ABHD3: variants seen among roughly 807,000 people sequenced by gnomAD.
The protein encoded by ABHD3 is abhydrolase domain containing 3, phospholipase, also known as phospholipase ABHD3.
A neutral mutation model predicts 48.8 loss-of-function variants in ABHD3; 46 were observed. The ratio of observed to expected loss-of-function variants is 0.94; its 90% confidence interval spans 0.74 to 1.20. The LOEUF (loss-of-function observed/expected upper bound fraction) is 1.20. Ranked by LOEUF, ABHD3 falls within the 50% of genes most tolerant of loss-of-function variation. The probability of loss-of-function intolerance (pLI) is 0.00; values close to 1 mark genes in which losing one functional copy is unlikely to be tolerated. For synonymous variants in ABHD3, 192 were observed against 183.7 expected, an observed-to-expected ratio of 1.04 and a Z score of -0.36; for missense variants, 490 against 497.8, an observed-to-expected ratio of 0.98 and a Z score of 0.15.
chr18:21,677,202 C>CTT (rs1366762712), intron 4 of ABHD3, among the ~76,000 whole-genome samples: 1 of 148,438 alleles, frequency 6.7e-6, no homozygotes, highest in South Asian at 2.1e-4. Flanking sequence ...ACTTCATTCC[C>CTT]TTTTTTTTTT....
chr18:21,652,723 C>T (rs1057013346), intron 8 of ABHD3, among the ~76,000 whole-genome samples: 3 of 149,140 alleles, frequency 2.0e-5, no homozygotes, highest in South Asian at 2.1e-4. Flanking sequence ...TGCAGTGAGC[C>T]GAGATCACAC....
chr18:21,663,710 C>T, intron 5 of ABHD3: 1 of 1,535,562 alleles, frequency 6.5e-7, no homozygotes, highest in Non-Finnish European at 8.7e-7. Flanking sequence ...GCCACTGCAG[C>T]TGGAGAGAGC....
chr18:21,654,316 C>T (rs2039296659), intron 8 of ABHD3, among the ~76,000 whole-genome samples: 1 of 152,140 alleles, frequency 6.6e-6, no homozygotes, highest in African/African-American at 2.4e-5. Context: ...AACAGCTTCT[C>T]TACCTCACCC....
chr18:21,664,340 T>G (rs2039573121), intron 4 of ABHD3, 110 bp from the exon 5 acceptor site: 1 of 955,976 alleles, frequency 1.0e-6, no homozygotes, highest in Admixed American at 2.8e-5. Flanking sequence ...AAAATAACCT[T>G]TGTTTGCACA....
At chr18:21,669,198 ACT>A (rs1415448404) in intron 4 of ABHD3, among the ~76,000 whole-genome samples, 3 of 152,118 alleles carry the variant, frequency 2.0e-5, no homozygotes, top group Non-Finnish European at 4.4e-5. Flanking sequence ...ACAGACTGAG[ACT>A]CTGTCTCAAA....
chr18:21,674,190 T>A (rs1449204159), intron 4 of ABHD3, among the ~76,000 whole-genome samples: 1 of 152,084 alleles, frequency 6.6e-6, no homozygotes, highest in African/African-American at 2.4e-5. Flanking sequence ...ATTAAATTAT[T>A]ATTTCTAAAA....
At chr18:21,697,114 C>T (rs1027978311) in intron 3 of ABHD3, among the ~76,000 whole-genome samples, 5 of 141,906 alleles carry the variant, frequency 3.5e-5, no homozygotes, top group South Asian at 4.4e-4. Context: ...CTCACTCTGT[C>T]GCCCTGGCTG....
chr18:21,663,603 A>AT (rs1285931838), intron 5 of ABHD3: 1 of 1,438,590 alleles, frequency 7.0e-7, no homozygotes, highest in Non-Finnish European at 9.3e-7. Context: ...GGTTAACAAA[A>AT]TTTCAGTTTC....
chr18:21,692,928 T>C (rs2040285544), intron 3 of ABHD3, among the ~76,000 whole-genome samples: 2 of 152,240 alleles, frequency 1.3e-5, no homozygotes. Flanking sequence ...CACAAGTCAC[T>C]GCTGGAAACT....
chr18:21,696,859 G>T (rs181866742), intron 3 of ABHD3, among the ~76,000 whole-genome samples: 1 of 152,124 alleles, frequency 6.6e-6, no homozygotes, highest in Non-Finnish European at 1.5e-5. Flanking sequence ...ATAAGCCACT[G>T]CACCTGGCAT....
At chr18:21,657,824 C>T (rs2039393693) in intron 6 of ABHD3, among the ~76,000 whole-genome samples, 1 of 152,076 alleles carries the variant, frequency 6.6e-6, no homozygotes. Context: ...CAAAATATCT[C>T]ATGTACCTCA....
Position 21,655,489 on chromosome 18 carries a change from G to A in ABHD3, c.1057+1372C>T, listed in dbSNP as rs547780602. Among the ~76,000 whole-genome samples the A allele has an allele frequency of 4.6e-5, 7 of 152,030 alleles. No homozygotes were observed. In the South Asian group the frequency reaches 6.2e-4, roughly 14 times the overall value. ...TTTAATAGAGGTGGAATTTCATTGC[G>A]TGGGCCAGGCTGCTCCTTATCTTTG... On this transcript the variant is annotated intron_variant, in intron 8 of 8. Coordinates refer to ENST00000289119, the MANE Select transcript of ABHD3 (RefSeq NM_138340.5).
intron 3 of ABHD3, among the ~76,000 whole-genome samples, chr18:21,698,077 C>G (rs1316309773): frequency 6.6e-6 from 1 of 152,118 alleles, no homozygotes; most frequent in Non-Finnish European, 1.5e-5. Flanking sequence ...TACTGAAACT[C>G]TCATCTATAG....
intron 3 of ABHD3, among the ~76,000 whole-genome samples, chr18:21,686,669 TC>T (rs2040135382): frequency 6.6e-6 from 1 of 152,146 alleles, no homozygotes; most frequent in Non-Finnish European, 1.5e-5. Context: ...TCAGTAGCAG[TC>T]ATCATTGTAT....
At chr18:21,667,819 C>A (rs930534037) in intron 4 of ABHD3, among the ~76,000 whole-genome samples, 1 of 151,822 alleles carries the variant, frequency 6.6e-6, no homozygotes, top group Non-Finnish European at 1.5e-5. Flanking sequence ...GACTATGCTC[C>A]GACACTTAAA....
chr18:21,687,104 T>A (rs1598549471), intron 3 of ABHD3, among the ~76,000 whole-genome samples: 1 of 151,328 alleles, frequency 6.6e-6, no homozygotes, highest in East Asian at 1.9e-4. Flanking sequence ...AGACGGGGTC[T>A]CCCTATGTTG....
intron 8 of ABHD3, 28 bp downstream of exon 8, chr18:21,656,833 A>C: frequency 2.0e-6 from 3 of 1,535,502 alleles, no homozygotes; most frequent in Non-Finnish European, 2.6e-6. Context: ...GATTCATGTC[A>C]AAATATATAC....
intron 3 of ABHD3, among the ~76,000 whole-genome samples, chr18:21,684,621 C>T (rs1013698834): frequency 6.6e-6 from 1 of 152,098 alleles, no homozygotes; most frequent in African/African-American, 2.4e-5. Flanking sequence ...CTGCGTCTGG[C>T]CTTGTTTTTG....
intron 6 of ABHD3, 85 bp downstream of exon 6, chr18:21,659,085 C>CT (rs2039422772): frequency 7.3e-7 from 1 of 1,369,130 alleles, no homozygotes; most frequent in African/African-American, 1.5e-5. Context: ...GTGATCCCCC[C>CT]GCCTCAGCCT....
Sources: gnomAD v4.1 joint callset for allele counts (sites outside exome capture counted in the v4.1 genomes callset) on GRCh38, gnomAD v4.1.1 for gene constraint, MANE v1.5 for transcripts, NCBI Gene and HGNC (gene_info 2026-07-23, HGNC 2026-07-21) for gene names.